Variants in EXOC6 observed in about 807,000 individuals in gnomAD.
EXOC6 encodes exocyst complex component 6.
EXOC6 carries 60 observed loss-of-function variants against 112.5 expected under a neutral mutation model. The observed-to-expected ratio is 0.53, with a 90% confidence interval of 0.43 to 0.66. EXOC6 has a LOEUF of 0.66. Among genes scored for constraint, EXOC6 ranks in the 30% least tolerant of loss-of-function variants. EXOC6 has a pLI of 0.00. For missense variants in EXOC6, 855 were observed against 957.1 expected (o/e 0.89, Z 1.41); for synonymous variants, 295 against 308.0 (o/e 0.96, Z 0.44).
At chr10:92,994,733 A>G (rs567139924) in intron 18 of EXOC6, among the ~76,000 whole-genome samples, 1 of 152,104 alleles carries the variant, frequency 6.6e-6, no homozygotes, top group South Asian at 2.1e-4. Flanking sequence ...GACTATTTTT[A>G]TTCTAGAAAA....
intron 1 of EXOC6, among the ~76,000 whole-genome samples, chr10:92,863,941 C>A (rs1214200785): frequency 3.5e-4 from 47 of 135,330 alleles, no homozygotes; most frequent in African/African-American, 4.6e-4. Flanking sequence ...AACAAAAAAA[C>A]AAAAAAAAAA....
At chr10:92,841,725 G>C (rs1355929630) in intron 1 of EXOC6, among the ~76,000 whole-genome samples, 1 of 152,144 alleles carries the variant, frequency 6.6e-6, no homozygotes, top group Admixed American at 6.5e-5. Context: ...CAACCAGGGG[G>C]ACAGTTTTGC....
chr10:93,003,517 C>T (rs180892403), intron 19 of EXOC6, among the ~76,000 whole-genome samples: 169 of 152,196 alleles, frequency 1.1e-3, no homozygotes, highest in East Asian at 4.4e-3. Context: ...TTAGCTTGAG[C>T]TAAAATTTCA....
intron 1 of EXOC6, among the ~76,000 whole-genome samples, chr10:92,882,421 G>C (rs189242337): frequency 1.5e-3 from 232 of 152,000 alleles, no homozygotes; most frequent in African/African-American, 5.3e-3. Flanking sequence ...GCAGGTGCCT[G>C]TAATCCCAGC....
At chr10:92,919,348 A>C (rs1055547608) in intron 7 of EXOC6, among the ~76,000 whole-genome samples, 2 of 152,236 alleles carry the variant, frequency 1.3e-5, no homozygotes, top group Non-Finnish European at 2.9e-5. Flanking sequence ...GATTCACATG[A>C]GTACAAATGT....
intron 12 of EXOC6, among the ~76,000 whole-genome samples, chr10:92,936,592 C>T (rs1564844044): frequency 6.6e-6 from 1 of 152,152 alleles, no homozygotes; most frequent in Non-Finnish European, 1.5e-5. Flanking sequence ...GACTCCATCT[C>T]AAAACAAACA....
chr10:92,985,593 T>C (rs905214333), intron 18 of EXOC6, among the ~76,000 whole-genome samples: 2 of 152,306 alleles, frequency 1.3e-5, no homozygotes, highest in East Asian at 1.9e-4. Flanking sequence ...CCTAGAAGAT[T>C]AGATCATCTC....
chr10:92,861,218 C>G (rs546235502), intron 1 of EXOC6, among the ~76,000 whole-genome samples: 1 of 152,172 alleles, frequency 6.6e-6, no homozygotes, highest in African/African-American at 2.4e-5. Flanking sequence ...TACCTTCTAC[C>G]TCACCCCCTG....
intron 19 of EXOC6, among the ~76,000 whole-genome samples, chr10:93,012,011 T>G (rs1444769932): frequency 6.6e-6 from 1 of 152,300 alleles, no homozygotes; most frequent in East Asian, 1.9e-4. Context: ...ATTTAGTCAC[T>G]TATCTAATGA....
At chr10:92,858,125 A>T (rs74149158) in intron 1 of EXOC6, among the ~76,000 whole-genome samples, 4,506 of 148,302 alleles carry the variant, frequency 0.03, 163 homozygotes, top group East Asian at 0.15. Context: ...GAATTCCCTT[A>T]TGTAATCAGC....
At position 93,012,188 on chromosome 10, in the gene EXOC6, T is replaced by G. The variant is rs1844281390; in HGVS notation, c.2096-2006T>G. 2.0e-5 allele frequency among the ~76,000 whole-genome samples: 3 copies of G among 152,302 alleles called. No individual in the cohort carries two copies. The South Asian group carries it at 6.2e-4, about 32-fold the overall frequency. On this transcript the variant is annotated intron_variant, in intron 19 of 21. Transcript: ENST00000260762. ...TTACTTAGGTTGTATTTGCTCTTACTTTAGACATAATTCTAGTAATTGATT... is the reference window on the plus strand; with the variant it reads ...TTACTTAGGTTGTATTTGCTCTTACGTTAGACATAATTCTAGTAATTGATT...
intron 11 of EXOC6, among the ~76,000 whole-genome samples, chr10:92,934,672 C>T (rs577474363): frequency 6.6e-6 from 1 of 152,104 alleles, no homozygotes; most frequent in African/African-American, 2.4e-5. Context: ...TTAAGCAGGT[C>T]TCATTAGTCT....
At position 92,911,938 on chromosome 10, in the gene EXOC6, CGTGTGTGTGTGTGTGT is replaced by C. The variant is rs72368133; in HGVS notation, c.663+2328_663+2343del. ...CTCTCTCTCTCTCTCTCTCTGTGTG[CGTGTGTGTGTGTGTGT>C]GTGTGTGTGTGTGTGTGTGTTTGTG... On this transcript the variant is annotated intron_variant, in intron 6 of 21. Transcript: ENST00000260762. Among the ~76,000 whole-genome samples, 963 of 136,222 alleles carry C rather than the reference CGTGTGTGTGTGTGTGT, an allele frequency of 7.1e-3. 10 individuals carry two copies. The highest frequency in any genetic ancestry group is 0.014 in the South Asian group (57 of 4,102). The allele number at this position is 136,222 out of a possible 152,430, so 89.4% of individuals were successfully genotyped here. A position where few individuals can be genotyped will look rare whatever the true frequency, so the allele number is the denominator to read the frequency against.
chr10:92,921,923 C>T (rs1191835009), intron 8 of EXOC6, among the ~76,000 whole-genome samples: 2 of 151,888 alleles, frequency 1.3e-5, no homozygotes, highest in Non-Finnish European at 2.9e-5. Context: ...GTATATATAA[C>T]CAAAAATTAT....
At chr10:93,043,829 C>T (rs1284268057) in intron 20 of EXOC6, among the ~76,000 whole-genome samples, 1 of 152,194 alleles carries the variant, frequency 6.6e-6, no homozygotes, top group African/African-American at 2.4e-5. Context: ...TATTTAGTTT[C>T]TCTTTTTTAA....
chr10:92,886,558 G>A (rs975316338), intron 1 of EXOC6, among the ~76,000 whole-genome samples: 2 of 152,176 alleles, frequency 1.3e-5, no homozygotes, highest in South Asian at 4.1e-4. Context: ...CACCATTTCT[G>A]ACTGGAGAGT....
chr10:93,010,047 A>T (rs915552675), intron 19 of EXOC6, among the ~76,000 whole-genome samples: 2 of 152,224 alleles, frequency 1.3e-5, no homozygotes, highest in African/African-American at 4.8e-5. Context: ...ACAAATTCAG[A>T]CTCAGGAGAT....
intron 1 of EXOC6, among the ~76,000 whole-genome samples, chr10:92,828,048 C>T (rs1846414488): frequency 2.6e-5 from 4 of 152,136 alleles, no homozygotes; most frequent in Admixed American, 1.3e-4. Flanking sequence ...TCATTTCCTA[C>T]CTGTTGCTAG....
intron 1 of EXOC6, among the ~76,000 whole-genome samples, chr10:92,840,296 A>G (rs1188034032): frequency 2.6e-5 from 4 of 152,190 alleles, no homozygotes; most frequent in Non-Finnish European, 5.9e-5. Flanking sequence ...ATTCATTAAG[A>G]TCAAAGGTCT....
Sources: gnomAD v4.1 joint callset for allele counts (sites outside exome capture counted in the v4.1 genomes callset) on GRCh38, gnomAD v4.1.1 for gene constraint, MANE v1.5 for transcripts, NCBI Gene and HGNC (gene_info 2026-07-23, HGNC 2026-07-21) for gene names.